Variants in ZMIZ1 observed in about 807,000 individuals in gnomAD.
ZMIZ1 encodes the protein zinc finger MIZ domain-containing protein 1.
In ZMIZ1, 17 loss-of-function variants were observed where a neutral mutation model predicts 113.9. The ratio of observed to expected loss-of-function variants is 0.15; its 90% CI spans 0.10 to 0.22. The LOEUF (loss-of-function observed/expected upper bound fraction) is 0.22, where lower values mean the gene tolerates loss of function less well. Among genes scored for constraint, ZMIZ1 ranks in the 10% least tolerant of loss-of-function variants. The pLI, the probability that ZMIZ1 is intolerant of heterozygous loss-of-function variation, is 1.00. For synonymous variants in ZMIZ1, 607 were observed against 603.1 expected (o/e 1.01, Z -0.09); for missense variants, 1,059 against 1,477.8 (o/e 0.72, Z 4.65).
Position 79,069,621 on chromosome 10 carries a change from G to A in ZMIZ1, c.-337+351G>A, listed in dbSNP as rs1341517701. ...CCTCGCTCCCTACACCCGGGGGCCG[G>A]GCAGGACCGGGAATCGGAGGAGGGA... On this transcript the variant is annotated intron_variant, in intron 1 of 24. Coordinates refer to ENST00000334512, the MANE Select transcript of ZMIZ1 (RefSeq NM_020338.4). The surrounding 1 kb of genome is among the most constrained non-coding windows in gnomAD (Gnocchi z 4.6). 2.6e-5 allele frequency among the ~76,000 whole-genome samples: 4 copies of A among 152,022 alleles called. No homozygotes were observed. The highest frequency in any genetic ancestry group is 5.9e-5 in the Non-Finnish European group (4 of 67,964).
intron 1 of ZMIZ1, among the ~76,000 whole-genome samples, chr10:79,080,430 C>T (rs1285218727): frequency 6.6e-6 from 1 of 151,460 alleles, no homozygotes; most frequent in Non-Finnish European, 1.5e-5. Flanking sequence ...CCTCAGCCTC[C>T]TGAGTAGCTG....
At chr10:79,234,508 A>T (rs1849517219) in intron 7 of ZMIZ1, among the ~76,000 whole-genome samples, 1 of 152,244 alleles carries the variant, frequency 6.6e-6, no homozygotes, top group African/African-American at 2.4e-5. Context: ...TACTATGTGT[A>T]GGACAATCAA....
intron 11 of ZMIZ1, chr10:79,292,989 G>T: frequency 2.3e-6 from 1 of 438,954 alleles, no homozygotes; most frequent in Non-Finnish European, 4.4e-6. Flanking sequence ...TCCAGGAAAG[G>T]GGCTGCAGTC....
At chr10:79,099,784 G>A (rs1031058632) in intron 1 of ZMIZ1, among the ~76,000 whole-genome samples, 3 of 152,136 alleles carry the variant, frequency 2.0e-5, no homozygotes, top group East Asian at 3.9e-4. Flanking sequence ...CCAGAGGAGC[G>A]GGGGCTGGGT....
chr10:79,139,046 A>G (rs933184013), intron 2 of ZMIZ1, among the ~76,000 whole-genome samples: 1 of 152,138 alleles, frequency 6.6e-6, no homozygotes, highest in Admixed American at 6.6e-5. Flanking sequence ...TAAACTCTGC[A>G]TCTGGGCCTC....
At chr10:79,259,079 C>A (rs1851096810) in intron 7 of ZMIZ1, among the ~76,000 whole-genome samples, 1 of 152,204 alleles carries the variant, frequency 6.6e-6, no homozygotes, top group South Asian at 2.1e-4. Context: ...TTAGTTTAAT[C>A]AAATGCCCAG....
At chr10:79,083,217 G>A (rs704006) in intron 1 of ZMIZ1, among the ~76,000 whole-genome samples, 87,794 of 152,122 alleles carry the variant, frequency 0.58, 26,462 homozygotes, top group African/African-American at 0.77. Flanking sequence ...GCTTCTTTAG[G>A]TGGTGTGGTC....
chr10:79,280,552 G>T (rs111914251), intron 8 of ZMIZ1, among the ~76,000 whole-genome samples: 2,490 of 148,870 alleles, frequency 0.017, 71 homozygotes, highest in African/African-American at 0.057. Flanking sequence ...TGGGATTACA[G>T]GCATGCACCA....
At chr10:79,290,006 C>G (rs1589574121) in intron 9 of ZMIZ1, 117 bp downstream of exon 9, 1 of 1,034,404 alleles carries the variant, frequency 9.7e-7, no homozygotes, top group African/African-American at 1.6e-5. Context: ...GAAAGACCAG[C>G]TTCCAGGGCA....
chr10:79,072,406 T>C (rs138014996), intron 1 of ZMIZ1, among the ~76,000 whole-genome samples: 2 of 152,316 alleles, frequency 1.3e-5, no homozygotes, highest in African/African-American at 2.4e-5. Context: ...AGGACCCAAC[T>C]GAGAAGAGCT....
chr10:79,163,806 C>T (rs970823278), intron 4 of ZMIZ1, among the ~76,000 whole-genome samples: 5 of 152,240 alleles, frequency 3.3e-5, no homozygotes, highest in African/African-American at 1.2e-4. Context: ...GGGTGGCCCT[C>T]AGGCTGGTGG....
intron 8 of ZMIZ1, among the ~76,000 whole-genome samples, chr10:79,278,580 C>T (rs570624997): frequency 6.6e-6 from 1 of 151,264 alleles, no homozygotes; most frequent in Non-Finnish European, 1.5e-5. Context: ...GCAGAGGGTC[C>T]TGCCGCCCTC....
intron 1 of ZMIZ1, among the ~76,000 whole-genome samples, chr10:79,070,707 C>T (rs1842242744): frequency 1.3e-5 from 2 of 152,248 alleles, no homozygotes; most frequent in South Asian, 4.1e-4. Context: ...GGTACCCTTG[C>T]CTGACCGGGG....
intron 2 of ZMIZ1, among the ~76,000 whole-genome samples, chr10:79,126,866 C>T (rs931960964): frequency 6.6e-6 from 1 of 152,126 alleles, no homozygotes; most frequent in Non-Finnish European, 1.5e-5. Context: ...CCCAGCACCT[C>T]GGGGGCAGTT....
chr10:79,249,057 C>G (rs1383741731), intron 7 of ZMIZ1, among the ~76,000 whole-genome samples: 1 of 152,178 alleles, frequency 6.6e-6, no homozygotes, highest in Non-Finnish European at 1.5e-5. Flanking sequence ...GGTTCAACCC[C>G]TGTGTGTGGG....
chr10:79,093,151 C>CACTT (rs1843040772), intron 1 of ZMIZ1, among the ~76,000 whole-genome samples: 1 of 137,540 alleles, frequency 7.3e-6, no homozygotes, highest in African/African-American at 2.6e-5. Context: ...CACACACACA[C>CACTT]ACACACACAC....
chr10:79,082,421 A>G (rs1267062330), intron 1 of ZMIZ1, among the ~76,000 whole-genome samples: 1 of 152,160 alleles, frequency 6.6e-6, no homozygotes, highest in African/African-American at 2.4e-5. Context: ...GGCCTAGACC[A>G]TGGCTTGAAT....
chr10:79,296,427 G>A lies in ZMIZ1; in HGVS notation c.1231-44G>A. On this transcript the variant is annotated intron_variant, in intron 12 of 24. Transcript: ENST00000334512. This position sits in a 1 kb window ranked among gnomAD's most constrained non-coding sequence, Gnocchi z 4.1. Reference sequence around the variant, plus strand: ...CAGGTGACCTGGCTATGTGACGTTGGCAACATTGAACGTGTTTCCCCTCTC... The same window carrying A: ...CAGGTGACCTGGCTATGTGACGTTGACAACATTGAACGTGTTTCCCCTCTC... The A allele has an allele frequency of 6.2e-7, 1 of 1,606,730 alleles. No individual in the cohort carries two copies.
At chr10:79,073,453 A>G (rs1450063435) in intron 1 of ZMIZ1, among the ~76,000 whole-genome samples, 1 of 152,186 alleles carries the variant, frequency 6.6e-6, no homozygotes, top group Non-Finnish European at 1.5e-5. Flanking sequence ...CAGGGTACTC[A>G]TTACCTCCTG....
Sources: gnomAD v4.1 joint callset for allele counts (sites outside exome capture counted in the v4.1 genomes callset) on GRCh38, gnomAD v4.1.1 for gene constraint, Gnocchi (gnomAD v3.1) non-coding constraint, MANE v1.5 for transcripts, NCBI Gene and HGNC (gene_info 2026-07-23, HGNC 2026-07-21) for gene names.